MGAM2: variants seen among roughly 807,000 people sequenced by gnomAD.
The protein encoded by MGAM2 is probable maltase-glucoamylase 2.
In MGAM2, 98 loss-of-function variants were observed where a neutral mutation model predicts 96.1. That is an observed-to-expected ratio of 1.02 (90% CI 0.87 to 1.21). The LOEUF (loss-of-function observed/expected upper bound fraction) is 1.21. Among genes scored for constraint, MGAM2 ranks in the 50% most tolerant of loss-of-function variants. The pLI is 0.00. For synonymous variants in MGAM2, 749 were observed against 414.8 expected (o/e 1.81, Z -9.79); for missense variants, 2,055 against 1,182.4 (o/e 1.74, Z -10.82).
rs1057032288 is a variant in MGAM2, at chr7:142,153,721, A to C, written c.1635-297A>C. On this transcript the variant is annotated intron_variant, in intron 15 of 47. Transcript: ENST00000477922. ...TTCCAATATACTGTTGACCAAAAGG[A>C]CCAGACCACAACCAGATCCAACTAG... Among the ~76,000 whole-genome samples the C allele has an allele frequency of 2.0e-5, 3 of 152,228 alleles. No individual in the cohort carries two copies. In the South Asian group the frequency reaches 6.2e-4, roughly 32 times the overall value.
intron 30 of MGAM2, 37 bp from the exon 31 acceptor site, chr7:142,173,192 A>G: frequency 1.4e-6 from 1 of 701,992 alleles, no homozygotes; most frequent in Non-Finnish European, 2.6e-6. Flanking sequence ...GTCTTCCCTA[A>G]GAAATCTTTC....
At chr7:142,129,814 A>C (rs1436879641) in intron 3 of MGAM2, among the ~76,000 whole-genome samples, 1 of 139,042 alleles carries the variant, frequency 7.2e-6, no homozygotes, top group Non-Finnish European at 1.5e-5. Context: ...AACAAGAACA[A>C]AACTCTGTCT....
At chr7:142,132,354 TTA>T (rs1414159513) in intron 6 of MGAM2, among the ~76,000 whole-genome samples, 1 of 144,380 alleles carries the variant, frequency 6.9e-6, no homozygotes, top group Non-Finnish European at 1.5e-5. Context: ...TTAATATAAT[TTA>T]TATAATATAT....
In MGAM2 at chr7:142,131,639, A is replaced by G. The variant is rs1404115371; in HGVS notation, c.420+12A>G. 1.4e-6 allele frequency: 1 copy of G among 702,934 alleles called. No individual in the cohort carries two copies. Among genetic ancestry groups the G allele is most frequent in the Non-Finnish European group, 2.6e-6 (1 of 384,888 alleles). 43.5% of individuals were successfully genotyped at this position (702,934 alleles called of 1,614,324 possible). On this transcript the variant is annotated intron_variant, in intron 5 of 47. Coordinates refer to ENST00000477922, the MANE Select transcript of MGAM2 (RefSeq NM_001293626.2). Reference sequence around the variant, plus strand: ...GGTTTCATTTTAAGGTTGGTTTGGGAGTGACTGCTAAATACATTTCTGAAG... The same window carrying G: ...GGTTTCATTTTAAGGTTGGTTTGGGGGTGACTGCTAAATACATTTCTGAAG...
chr7:142,135,193 C>A (rs1190896966), intron 7 of MGAM2, among the ~76,000 whole-genome samples: 1 of 152,190 alleles, frequency 6.6e-6, no homozygotes, highest in Non-Finnish European at 1.5e-5. Context: ...AGCACATTAA[C>A]CTGTAGCCCA....
rs753992995 is a variant in MGAM2 at position 142,134,123 on chromosome 7, A to G, written c.718A>G (p.Ile240Val). Residue 240 changes from isoleucine to valine, a missense_variant, in exon 7 of 48, where the codon ATC (isoleucine) becomes GTC (valine). Transcript: ENST00000477922. The part of the protein sequence containing the change: ...RHNMTWKTWP[I>V]FTRDATPTEG... ...CAATATGACCTGGAAGACTTGGCCC[A>G]TCTTCACCCGGGACGCTACCCCCAC... 1.3e-6 allele frequency: 1 copy of G among 759,944 alleles called. No homozygotes were observed. The highest frequency in any genetic ancestry group is 2.4e-5 in the East Asian group (1 of 41,008). 47.1% of individuals were successfully genotyped at this position (759,944 alleles called of 1,614,324 possible). A position where few individuals can be genotyped will look rare whatever the true frequency, so the allele number is the denominator to read the frequency against.
chr7:142,208,454 G>T, intron 45 of MGAM2, 119 bp from the exon 46 acceptor site: 1 of 665,160 alleles, frequency 1.5e-6, no homozygotes, highest in South Asian at 1.7e-5. Flanking sequence ...CCTCAGAGAG[G>T]TGACAATCAT....
At chr7:142,198,826 T>C (rs1797134561) in intron 44 of MGAM2, 87 bp downstream of exon 44, 1 of 621,906 alleles carries the variant, frequency 1.6e-6, no homozygotes, top group Admixed American at 2.6e-5. Context: ...TCGCCAGGGA[T>C]ATGTGGATTA....
At chr7:142,163,277 G>GT (rs985894031) in intron 23 of MGAM2, among the ~76,000 whole-genome samples, 3 of 152,092 alleles carry the variant, frequency 2.0e-5, no homozygotes, top group Non-Finnish European at 4.4e-5. Context: ...ACATAAGTTT[G>GT]TTTTTTTGTT....
rs1372109142 is a variant in MGAM2 at position 142,140,940 on chromosome 7, T to G, written c.1218+7T>G. On this transcript the variant is annotated splice_region_variant and intron_variant, in intron 11 of 47. Transcript: ENST00000477922. Reference sequence around the variant, plus strand: ...GAAATATCTTATTATTATGGTATGTTCAAACACTTGTTACCTTATTTTTTC... The same window carrying G: ...GAAATATCTTATTATTATGGTATGTGCAAACACTTGTTACCTTATTTTTTC... 5.7e-6 allele frequency: 4 copies of G among 701,524 alleles called. No individual in the cohort carries two copies. The highest frequency in any genetic ancestry group is 1.0e-5 in the Non-Finnish European group (4 of 384,638). 43.5% of individuals were successfully genotyped at this position (701,524 alleles called of 1,614,324 possible). A position where few individuals can be genotyped will look rare whatever the true frequency, so the allele number is the denominator to read the frequency against.
chr7:142,181,921 C>T (rs1796556504), intron 32 of MGAM2, among the ~76,000 whole-genome samples: 1 of 152,162 alleles, frequency 6.6e-6, no homozygotes, highest in South Asian at 2.1e-4. Context: ...CTAGTAGCTG[C>T]CCTGACAAGC....
intron 6 of MGAM2, among the ~76,000 whole-genome samples, chr7:142,132,679 A>ATAATATAATTAATAATATTAAT (rs1794929963): frequency 7.9e-6 from 1 of 126,972 alleles, no homozygotes; most frequent in Non-Finnish European, 1.5e-5. Flanking sequence ...TATATTAATT[A>ATAATATAATTAATAATATTAAT]TAATATAATT....
chr7:142,198,207 T>C lies in MGAM2; in HGVS notation c.4923+12T>C, dbSNP rs567153437. 8 of 702,316 alleles carry C rather than the reference T, an allele frequency of 1.1e-5. No homozygotes were observed. Among genetic ancestry groups the C allele is most frequent in the Middle Eastern group, 4.6e-4 (2 of 4,368 alleles). The allele number at this position is 702,316 out of a possible 1,614,324, so 43.5% of individuals were successfully genotyped here. A position where few individuals can be genotyped will look rare whatever the true frequency, so the allele number is the denominator to read the frequency against. On this transcript the variant is annotated intron_variant, in intron 43 of 47. Coordinates refer to ENST00000477922, the MANE Select transcript of MGAM2 (RefSeq NM_001293626.2). ...ATGACTATAGCACGGTAAGAACTAA[T>C]ATATTTGTGAAGAACCAGTTTGGTC...
chr7:142,135,078 A>G (rs1393528492), intron 7 of MGAM2, among the ~76,000 whole-genome samples: 1 of 152,168 alleles, frequency 6.6e-6, no homozygotes, highest in Non-Finnish European at 1.5e-5. Flanking sequence ...CATTGTGCTG[A>G]TGATATTTCT....
Position 142,196,682 on chromosome 7 carries a change from C to T in MGAM2, c.4516-18C>T, listed in dbSNP as rs1373971413. On this transcript the variant is annotated intron_variant, in intron 39 of 47. Transcript: ENST00000477922. Reference sequence around the variant, plus strand: ...TCATGAAATTCCCACCTCATGCTCTCATTATGCATCTTCTCAGACAGGAGC... The same window carrying T: ...TCATGAAATTCCCACCTCATGCTCTTATTATGCATCTTCTCAGACAGGAGC... 3.9e-6 allele frequency: 3 copies of T among 776,230 alleles called. No homozygotes were observed. Among genetic ancestry groups the T allele is most frequent in the South Asian group, 1.4e-5 (1 of 73,628 alleles). 48.1% of individuals were successfully genotyped at this position (776,230 alleles called of 1,614,324 possible).
At chr7:142,128,978 C>T (rs1216622982) in intron 3 of MGAM2, among the ~76,000 whole-genome samples, 3 of 152,172 alleles carry the variant, frequency 2.0e-5, no homozygotes, top group Admixed American at 6.5e-5. Flanking sequence ...CCGGAAAAGC[C>T]GCAGACACTC....
chr7:142,128,321 G>A lies in MGAM2; in HGVS notation c.187-2627G>A, dbSNP rs551026770. 3.9e-5 allele frequency among the ~76,000 whole-genome samples: 6 copies of A among 152,312 alleles called. No homozygotes were observed. In the East Asian group the frequency reaches 1.2e-3, roughly 29 times the overall value. On this transcript the variant is annotated intron_variant, in intron 3 of 47. Transcript: ENST00000477922. ...TTTAAAAGGGAAGTAGAGTATAAAA[G>A]TTCAGAAAATTTGCAGCCTGATGAT... is the stretch of plus-strand genomic sequence containing the variant.
intron 34 of MGAM2, among the ~76,000 whole-genome samples, chr7:142,185,731 T>C (rs1796673418): frequency 6.6e-6 from 1 of 152,228 alleles, no homozygotes; most frequent in Non-Finnish European, 1.5e-5. Flanking sequence ...TTTTCCAGTC[T>C]TGTGATTACA....
rs1201096362 is a variant in MGAM2, at chr7:142,131,507, G to A, written c.311-11G>A. 9 of 701,688 alleles carry A rather than the reference G, an allele frequency of 1.3e-5. No individual in the cohort carries two copies. In the East Asian group the frequency reaches 2.4e-4, roughly 19 times the overall value. The allele number at this position is 701,688 out of a possible 1,614,324, so 43.5% of individuals were successfully genotyped here. On this transcript the variant is annotated splice_polypyrimidine_tract_variant and intron_variant, in intron 4 of 47. Transcript: ENST00000477922. ...CTCCTTTTCTCTCTCTCCATATCTT[G>A]CCACCCCTAGGATTTACTGCCCAGT... is the stretch of plus-strand genomic sequence containing the variant.
Sources: gnomAD v4.1 joint callset for allele counts (sites outside exome capture counted in the v4.1 genomes callset) on GRCh38, gnomAD v4.1.1 for gene constraint, MANE v1.5 for transcripts, NCBI Gene and HGNC (gene_info 2026-07-23, HGNC 2026-07-21) for gene names.